The following TPD52L3 variants were observed in gnomAD, a reference collection of about 807,000 sequenced individuals.
TPD52L3 encodes TPD52 like 3.
A neutral mutation model predicts 8.7 loss-of-function variants in TPD52L3; 12 were observed. The observed-to-expected ratio is 1.38, with a 90% CI of 0.89 to 2.24. TPD52L3 has a LOEUF of 2.24. Among genes scored for constraint, TPD52L3 ranks in the 30% most tolerant of loss-of-function variants. The pLI is 0.00. For synonymous variants in TPD52L3, 79 were observed against 66.8 expected, an observed-to-expected ratio of 1.18 and a Z score of -0.89; for missense variants, 207 against 158.7, an observed-to-expected ratio of 1.30 and a Z score of -1.64.
chr9:6,329,055 C>T, intron 1 of TPD52L3, 93 bp downstream of exon 1: 2 of 1,597,154 alleles, frequency 1.3e-6, no homozygotes, highest in African/African-American at 2.7e-5. Context: ...TTGATCTGCT[C>T]TCAGTTTTGG....
Position 6,328,778 on chromosome 9 carries a change from G to C in TPD52L3, c.183G>C (p.Lys61Asn), listed in dbSNP as rs1375553053. Residue 61 changes from lysine (K) to asparagine (N), a missense_variant, in exon 1 of 2, where the codon AAG (lysine) becomes AAC (asparagine). Lys to Asn is a moderately conservative substitution (Grantham distance 94). Transcript: ENST00000314556. ...AAKERRCGEL[K>N]RKLGLTALVG... Reference sequence around the variant, plus strand: ...AAGAGAGACGCTGTGGGGAACTCAAGAGGAAGTTAGGCCTCACCGCCTTGG... The same window carrying C: ...AAGAGAGACGCTGTGGGGAACTCAACAGGAAGTTAGGCCTCACCGCCTTGG... 2 of 1,614,182 alleles carry C rather than the reference G, an allele frequency of 1.2e-6. No homozygotes were observed. The highest frequency in any genetic ancestry group is 2.2e-5 in the East Asian group (1 of 44,874).
At chr9:6,330,659 T>C in intron 1 of TPD52L3, 1 of 1,194,810 alleles carries the variant, frequency 8.4e-7, no homozygotes, top group Non-Finnish European at 1.0e-6. Context: ...CAAGATGTTT[T>C]ACTATTTTGC....
intron 1 of TPD52L3, chr9:6,329,512 C>A: frequency 9.9e-7 from 1 of 1,010,782 alleles, no homozygotes. Context: ...TATTAGAAAG[C>A]CAAAGTAGAG....
intron 1 of TPD52L3, chr9:6,330,464 C>T (rs2130618979): frequency 7.6e-7 from 1 of 1,313,760 alleles, no homozygotes; most frequent in Non-Finnish European, 9.7e-7. Context: ...AATGGTAATC[C>T]CTCCAGCCTA....
At position 6,328,807 on chromosome 9, in the gene TPD52L3, G is replaced by T. The variant is rs1256103417; in HGVS notation, c.212G>T (p.Gly71Val). ...KRKLGLTALV[G>V]LRQNLSKSWL... ...AAGTTAGGCCTCACCGCCTTGGTAG[G>T]GCTGAGACAGAATCTGTCCAAGAGC... Residue 71 changes from glycine to valine, a missense_variant, in exon 1 of 2, where the codon GGG becomes GTG. Physicochemically the swap from Gly to Val is moderately radical, Grantham distance 109. Transcript: ENST00000314556. 6.2e-6 allele frequency: 10 copies of T among 1,614,170 alleles called. No individual in the cohort carries two copies. The highest frequency in any genetic ancestry group is 8.5e-6 in the Non-Finnish European group (10 of 1,180,038).
At chr9:6,328,999 G>C (rs1818086254) in intron 1 of TPD52L3, 37 bp downstream of exon 1, 1 of 1,613,820 alleles carries the variant, frequency 6.2e-7, no homozygotes, top group Admixed American at 1.7e-5. Context: ...GTCTCAGGGG[G>C]CAAAAGAGCT....
In TPD52L3 at chr9:6,331,310, T is replaced by G; in HGVS notation, c.*291T>G. ...GAGGAAGGGGTGTTCAACTCTGTCT[T>G]GGTAGGTCAGTAAAGACTTTAGAGA... On this transcript the variant is annotated 3_prime_UTR_variant, in exon 2 of 2. Coordinates refer to ENST00000314556, the MANE Select transcript of TPD52L3 (RefSeq NM_001001874.3). The G allele has an allele frequency of 3.6e-6, 1 of 280,834 alleles. No individual in the cohort carries two copies. Among genetic ancestry groups the G allele is most frequent in the Non-Finnish European group, 6.6e-6 (1 of 150,712 alleles). 17.4% of individuals were successfully genotyped at this position (280,834 alleles called of 1,614,324 possible).
At chr9:6,330,845 T>G in intron 1 of TPD52L3, 131 bp from the exon 2 acceptor site, 1 of 1,459,754 alleles carries the variant, frequency 6.9e-7, no homozygotes, top group Non-Finnish European at 9.0e-7. Flanking sequence ...GGGCCAAACC[T>G]GAGAGATGTT....
At chr9:6,330,055 G>T in intron 1 of TPD52L3, 6 of 1,471,300 alleles carry the variant, frequency 4.1e-6, no homozygotes, top group Non-Finnish European at 5.4e-6. Context: ...ATTCAAGAAA[G>T]ATAAACCCCT....
chr9:6,331,332 G>A lies in TPD52L3; in HGVS notation c.*313G>A. ...TCTTGGTAGGTCAGTAAAGACTTTAGAGAGACAGAAAGTCTTAGAGGACTA... is the reference window on the plus strand; with the variant it reads ...TCTTGGTAGGTCAGTAAAGACTTTAAAGAGACAGAAAGTCTTAGAGGACTA... On this transcript the variant is annotated 3_prime_UTR_variant, in exon 2 of 2. Transcript: ENST00000314556. 4.6e-6 allele frequency: 1 copy of A among 218,930 alleles called. No individual in the cohort carries two copies. Among genetic ancestry groups the A allele is most frequent in the Non-Finnish European group, 9.0e-6 (1 of 111,704 alleles). 13.6% of individuals were successfully genotyped at this position (218,930 alleles called of 1,614,324 possible). A position where few individuals can be genotyped will look rare whatever the true frequency, so the allele number is the denominator to read the frequency against.
In TPD52L3 at chr9:6,329,033, C is replaced by T. The variant is rs201430574; in HGVS notation, c.367+71C>T. On this transcript the variant is annotated intron_variant, in intron 1 of 1. Transcript: ENST00000314556. ...CTTGGCCCTGACTGTCTTTCTTCTG[C>T]GGAGGGTGGGGTTGATCTGCTCTCA... 1.7e-4 allele frequency: 266 copies of T among 1,610,286 alleles called. No homozygotes were observed. In the African/African-American group the frequency reaches 2.4e-3, roughly 15 times the overall value.
chr9:6,328,786 T>C lies in TPD52L3; in HGVS notation c.191T>C (p.Leu64Ser). 1 of 1,614,122 alleles carries C rather than the reference T, an allele frequency of 6.2e-7. No individual in the cohort carries two copies. Among genetic ancestry groups the C allele is most frequent in the Non-Finnish European group, 8.5e-7 (1 of 1,180,012 alleles). The change falls in exon 1 of 2, where the codon TTA becomes TCA. Residue 64 changes from leucine to serine, a missense_variant. Coordinates refer to ENST00000314556, the MANE Select transcript of TPD52L3 (RefSeq NM_001001874.3). ...CGCTGTGGGGAACTCAAGAGGAAGTTAGGCCTCACCGCCTTGGTAGGGCTG... is the reference window on the plus strand; with the variant it reads ...CGCTGTGGGGAACTCAAGAGGAAGTCAGGCCTCACCGCCTTGGTAGGGCTG... The part of the protein sequence containing the change: ...ERRCGELKRK[L>S]GLTALVGLRQ...
Position 6,330,983 on chromosome 9 carries a change from C to A in TPD52L3, c.375C>A (p.Ile125=). ...TTCCCATTTCTGGCTTAGGATTGAT[C>A]TTCAATAAATACACGTTAAATCAAG... ...SATFRSFEGL[I]FNKYTLNQGR... is the part of the protein sequence containing the mutation. Residue 125 remains isoleucine (I), a synonymous_variant, in exon 2 of 2, where the codon ATC becomes ATA. Coordinates refer to ENST00000314556, the MANE Select transcript of TPD52L3 (RefSeq NM_001001874.3). The A allele has an allele frequency of 6.2e-7, 1 of 1,612,466 alleles. No homozygotes were observed. Among genetic ancestry groups the A allele is most frequent in the Non-Finnish European group, 8.5e-7 (1 of 1,179,216 alleles).
chr9:6,328,570 T>C lies in TPD52L3; in HGVS notation c.-26T>C, dbSNP rs1818060911. ...TACCAAGAATTGGACCTGGACTCTC[T>C]TAACGAAGATCTTCTTTCCCAGTCC... is the stretch of plus-strand genomic sequence containing the variant. On this transcript the variant is annotated 5_prime_UTR_variant, in exon 1 of 2. Transcript: ENST00000314556. 1.2e-6 allele frequency: 2 copies of C among 1,606,514 alleles called. No homozygotes were observed. Among genetic ancestry groups the C allele is most frequent in the Admixed American group, 3.4e-5 (2 of 59,554 alleles).
At position 6,331,256 on chromosome 9, in the gene TPD52L3, A is replaced by T. The variant is rs1818145470; in HGVS notation, c.*237A>T. On this transcript the variant is annotated 3_prime_UTR_variant, in exon 2 of 2. Coordinates refer to ENST00000314556, the MANE Select transcript of TPD52L3 (RefSeq NM_001001874.3). ...TATAATTCAATGAGTCCTAAAATAG[A>T]GCTGTGTGCCAGAGATAAAAGAAGT... The T allele has an allele frequency of 2.5e-6, 1 of 395,598 alleles. No homozygotes were observed. The highest frequency in any genetic ancestry group is 4.3e-5 in the Admixed American group (1 of 23,180). 24.5% of individuals were successfully genotyped at this position (395,598 alleles called of 1,614,324 possible).
chr9:6,330,853 G>A, intron 1 of TPD52L3, 123 bp from the exon 2 acceptor site: 1 of 1,477,488 alleles, frequency 6.8e-7, no homozygotes, highest in South Asian at 1.5e-5. Flanking sequence ...CCTGAGAGAT[G>A]TTATATTTTA....
intron 1 of TPD52L3, chr9:6,330,144 A>C (rs756134813): frequency 6.2e-7 from 1 of 1,613,228 alleles, no homozygotes; most frequent in Non-Finnish European, 8.5e-7. Flanking sequence ...CTAACTATAC[A>C]TCTTTGCTCT....
In TPD52L3 at chr9:6,331,442, C is replaced by T. The variant is rs188849682; in HGVS notation, c.*423C>T. On this transcript the variant is annotated 3_prime_UTR_variant, in exon 2 of 2. Coordinates refer to ENST00000314556, the MANE Select transcript of TPD52L3 (RefSeq NM_001001874.3). ...GTCACAAAGGAATGTATAAGAATGG[C>T]ATATTCTAGGAACTAACACTGTGGC... 200 of 154,656 alleles carry T rather than the reference C, an allele frequency of 1.3e-3. 1 individual carries two copies. Among genetic ancestry groups the T allele is most frequent in the Middle Eastern group, 3.3e-3 (1 of 302 alleles). 9.6% of individuals were successfully genotyped at this position (154,656 alleles called of 1,614,324 possible).
rs565113063 is a variant in TPD52L3 at position 6,330,126 on chromosome 9, G to A, written c.368-850G>A. 7 of 1,609,212 alleles carry A rather than the reference G, an allele frequency of 4.3e-6. No individual in the cohort carries two copies. In the Admixed American group the frequency reaches 1.2e-4, roughly 27 times the overall value. On this transcript the variant is annotated intron_variant, in intron 1 of 1. Transcript: ENST00000314556. The stretch of plus-strand genomic sequence containing the variant: ...CTGTGATGCTGGCTGTTATGCCTTT[G>A]AATGGACCTAACTATACATCTTTGC...
Sources: gnomAD v4.1 joint callset for allele counts on GRCh38, gnomAD v4.1.1 for gene constraint, MANE v1.5 for transcripts, NCBI Gene and HGNC (gene_info 2026-07-23, HGNC 2026-07-21) for gene names.